Variants in DIP2B observed in about 807,000 individuals in gnomAD.
The protein encoded by DIP2B is disco-interacting protein 2 homolog B.
In DIP2B, 76 loss-of-function variants were observed where a neutral mutation model predicts 198.0. That is an observed-to-expected ratio of 0.38 (90% CI 0.32 to 0.46). DIP2B has a LOEUF of 0.46. DIP2B is among the 20% of genes least tolerant of loss of function. DIP2B has a pLI of 0.99. For synonymous variants in DIP2B, 701 were observed against 739.1 expected (o/e 0.95, Z 0.84); for missense variants, 1,559 against 1,978.4 (o/e 0.79, Z 4.02).
chr12:50,548,187 ACTT>A (rs1454267504), intron 1 of DIP2B, among the ~76,000 whole-genome samples: 2 of 152,174 alleles, frequency 1.3e-5, no homozygotes, highest in Non-Finnish European at 2.9e-5. Context: ...AGGAACTTTT[ACTT>A]CTTATTAGGT....
rs1183986453 is a variant in DIP2B, at chr12:50,704,126, A to G, written c.2326-14A>G. The G allele has an allele frequency of 1.9e-6, 3 of 1,598,170 alleles. No homozygotes were observed. The highest frequency in any genetic ancestry group is 2.5e-6 in the Non-Finnish European group (3 of 1,176,670). On this transcript the variant is annotated splice_polypyrimidine_tract_variant and intron_variant, in intron 19 of 37. Coordinates refer to ENST00000301180, the MANE Select transcript of DIP2B (RefSeq NM_173602.3). ...AAAAGCAAAGTTTTTCACTTACTTC[A>G]TTTTGTCTCTTAGGTAATTCCAGTG...
At chr12:50,620,161 C>G (rs1363263846) in intron 1 of DIP2B, among the ~76,000 whole-genome samples, 2 of 152,210 alleles carry the variant, frequency 1.3e-5, no homozygotes, top group African/African-American at 2.4e-5. Context: ...GCAGTGTCAC[C>G]CACCTGACTG....
chr12:50,579,420 C>G (rs1344543301), intron 1 of DIP2B, among the ~76,000 whole-genome samples: 1 of 151,130 alleles, frequency 6.6e-6, no homozygotes, highest in Non-Finnish European at 1.5e-5. Flanking sequence ...GGACACCAGC[C>G]TGGGCAACAT....
At chr12:50,687,645 AAC>A (rs1939154574) in intron 12 of DIP2B, among the ~76,000 whole-genome samples, 1 of 152,096 alleles carries the variant, frequency 6.6e-6, no homozygotes, top group African/African-American at 2.4e-5. Context: ...CAGAAAACCA[AAC>A]ACTGCATGTT....
intron 1 of DIP2B, among the ~76,000 whole-genome samples, chr12:50,528,680 G>A (rs1277173506): frequency 1.3e-5 from 2 of 152,196 alleles, no homozygotes; most frequent in African/African-American, 4.8e-5. Flanking sequence ...AGGGCTTAGA[G>A]TGAACAGAGA....
chr12:50,674,198 A>AACC (rs1220052141), intron 5 of DIP2B, among the ~76,000 whole-genome samples: 3 of 152,182 alleles, frequency 2.0e-5, no homozygotes, highest in African/African-American at 7.2e-5. Flanking sequence ...TGTGTAGAAA[A>AACC]TGATGTTTTG....
intron 1 of DIP2B, among the ~76,000 whole-genome samples, chr12:50,600,649 A>C (rs1337564444): frequency 6.6e-6 from 1 of 152,158 alleles, no homozygotes; most frequent in Non-Finnish European, 1.5e-5. Flanking sequence ...TGGTTTCTGT[A>C]AAATCTGGGT....
At chr12:50,660,084 C>T in intron 3 of DIP2B, 110 bp from the exon 4 acceptor site, 1 of 1,085,764 alleles carries the variant, frequency 9.2e-7, no homozygotes, top group South Asian at 2.6e-5. Flanking sequence ...TGAACGTCCC[C>T]TTTACCTTTT....
At chr12:50,544,830 G>T (rs555537323) in intron 1 of DIP2B, among the ~76,000 whole-genome samples, 1 of 151,716 alleles carries the variant, frequency 6.6e-6, no homozygotes, top group East Asian at 1.9e-4. Context: ...TGTTAGCCAG[G>T]CTGATCTCGA....
chr12:50,717,979 A>C (rs1939763586), intron 23 of DIP2B, among the ~76,000 whole-genome samples: 1 of 133,292 alleles, frequency 7.5e-6, no homozygotes, highest in Admixed American at 9.1e-5. Context: ...GGCTCACTGC[A>C]ACCTCCACCT....
At chr12:50,520,516 T>C (rs1201178848) in intron 1 of DIP2B, among the ~76,000 whole-genome samples, 2 of 152,220 alleles carry the variant, frequency 1.3e-5, no homozygotes, top group African/African-American at 4.8e-5. Flanking sequence ...AAGTTGAACA[T>C]GTAGAACAAG....
chr12:50,682,653 A>AG (rs1939063540), intron 9 of DIP2B, among the ~76,000 whole-genome samples: 1 of 150,432 alleles, frequency 6.6e-6, no homozygotes, highest in Non-Finnish European at 1.5e-5. Context: ...AAAAAAAAAA[A>AG]GAGTAGGAAA....
chr12:50,532,569 C>A (rs1958228034), intron 1 of DIP2B, among the ~76,000 whole-genome samples: 1 of 152,028 alleles, frequency 6.6e-6, no homozygotes. Context: ...TTGGAACATG[C>A]ATTGTGAAGA....
At chr12:50,553,637 A>G (rs551140816) in intron 1 of DIP2B, among the ~76,000 whole-genome samples, 1 of 152,140 alleles carries the variant, frequency 6.6e-6, no homozygotes, top group African/African-American at 2.4e-5. Context: ...CTTTTGGTTC[A>G]TTTGTGTTTT....
chr12:50,541,649 C>CTGCTAACCCATAGTATATGAAAGAAAG (rs1958326926), intron 1 of DIP2B, among the ~76,000 whole-genome samples: 1 of 152,124 alleles, frequency 6.6e-6, no homozygotes, highest in African/African-American at 2.4e-5. Flanking sequence ...CTAATTTCTT[C>CTGCTAACCCATAGTATATGAAAGAAAG]TGCTAACCCA....
At chr12:50,673,165 T>C (rs1938884091) in intron 5 of DIP2B, among the ~76,000 whole-genome samples, 1 of 152,168 alleles carries the variant, frequency 6.6e-6, no homozygotes, top group African/African-American at 2.4e-5. Flanking sequence ...TACAGAAAGG[T>C]ATACCGGAAT....
At position 50,645,457 on chromosome 12, in the gene DIP2B, TC is replaced by T. The variant is rs1265995893; in HGVS notation, c.301+4607del. 8.2e-4 allele frequency among the ~76,000 whole-genome samples: 116 copies of T among 141,778 alleles called. 2 individuals carry two copies. Among genetic ancestry groups the T allele is most frequent in the African/African-American group, 2.8e-3 (110 of 39,044 alleles). The allele number at this position is 141,778 out of a possible 152,430, so 93.0% of individuals were successfully genotyped here. On this transcript the variant is annotated intron_variant, in intron 3 of 37. Coordinates refer to ENST00000301180, the MANE Select transcript of DIP2B (RefSeq NM_173602.3). ...TGCAAATATGGAAGGATGTACAAAA[TC>T]CTTTTTTTTTTTTTTTTGAGACAGG...
At chr12:50,743,361 G>C (rs577153339) in intron 37 of DIP2B, among the ~76,000 whole-genome samples, 40 of 152,302 alleles carry the variant, frequency 2.6e-4, no homozygotes, top group African/African-American at 9.6e-4. Flanking sequence ...GATTACAGGC[G>C]TGAGCCACCG....
At chr12:50,597,118 C>A (rs1468994970) in intron 1 of DIP2B, among the ~76,000 whole-genome samples, 2 of 152,042 alleles carry the variant, frequency 1.3e-5, no homozygotes, top group African/African-American at 4.8e-5. Flanking sequence ...ACCATTTATA[C>A]CAAGGCACTC....
Sources: allele counts gnomAD v4.1 joint callset (sites outside exome capture counted in the v4.1 genomes callset), GRCh38; gene constraint gnomAD v4.1.1; transcripts MANE v1.5; gene names NCBI Gene and HGNC (gene_info 2026-07-23, HGNC 2026-07-21).